The following PARVB variants were observed in gnomAD, a reference collection of about 807,000 sequenced individuals.
The protein encoded by PARVB is beta-parvin.
Under a neutral mutation model 47.0 loss-of-function variants are expected in PARVB, and 46 were observed. That is an observed-to-expected ratio of 0.98 (90% CI 0.77 to 1.25). PARVB has a LOEUF of 1.25. PARVB is among the 50% of genes most tolerant of loss of function. The pLI is 0.00. For missense variants in PARVB, 473 were observed against 471.6 expected (o/e 1.00, Z -0.03); for synonymous variants, 196 against 196.3 (o/e 1.00, Z 0.01).
intron 1 of PARVB, among the ~76,000 whole-genome samples, chr22:44,055,335 C>T (rs2051286149): frequency 6.6e-6 from 1 of 151,946 alleles, no homozygotes; most frequent in East Asian, 1.9e-4. Context: ...AGATATGTAG[C>T]TCTCTCTGTC....
In PARVB at chr22:44,136,527, A is replaced by AC; in HGVS notation, c.692+13dup. The AC allele has an allele frequency of 6.2e-7, 1 of 1,612,214 alleles. No individual in the cohort carries two copies. On this transcript the variant is annotated intron_variant, in intron 7 of 12. Coordinates refer to ENST00000338758, the MANE Select transcript of PARVB (RefSeq NM_013327.5). Reference sequence around the variant, plus strand: ...CTGACCACAACTACAGAGTAAGTGGACCCCTGTCTTGCCCTTCCAGGCCCT... The same window carrying AC: ...CTGACCACAACTACAGAGTAAGTGGACCCCCTGTCTTGCCCTTCCAGGCCCT...
rs1163501972 is a variant in PARVB at position 44,033,912 on chromosome 22, A to G, written c.112+9461A>G. 2.6e-5 allele frequency among the ~76,000 whole-genome samples: 4 copies of G among 152,140 alleles called. No individual in the cohort carries two copies. The East Asian group carries it at 5.8e-4, about 22-fold the overall frequency. On this transcript the variant is annotated intron_variant, in intron 1 of 12. Transcript: ENST00000338758. ...CTGCCCTTGTTGTTTTCTGCTTCTC[A>G]AGTTACTCCAGACTCCAGGGAACTA... is the stretch of plus-strand genomic sequence containing the variant.
chr22:44,016,910 T>G (rs1435741346), intron 2 of PARVB, among the ~76,000 whole-genome samples: 1 of 152,156 alleles, frequency 6.6e-6, no homozygotes, highest in African/African-American at 2.4e-5. Context: ...AGTTTCACTC[T>G]TGTTGCCCAG....
chr22:44,140,848 T>C (rs1345784960), intron 8 of PARVB: 2 of 245,602 alleles, frequency 8.1e-6, no homozygotes, highest in African/African-American at 4.4e-5. Context: ...TCTTCCCTCA[T>C]GAAAGCCTGA....
intron 1 of PARVB, among the ~76,000 whole-genome samples, chr22:44,058,989 GA>G (rs915553856): frequency 2.0e-5 from 3 of 148,382 alleles, no homozygotes; most frequent in Non-Finnish European, 4.5e-5. Context: ...ATGGGGGGGG[GA>G]AACAGAAGCA....
chr22:44,028,229 G>A (rs999898963), intron 1 of PARVB, among the ~76,000 whole-genome samples: 2 of 152,132 alleles, frequency 1.3e-5, no homozygotes, highest in African/African-American at 4.8e-5. Context: ...CTGGAGCAGC[G>A]TCACTGACCC....
At chr22:44,116,947 G>A (rs1409037638) in intron 3 of PARVB, among the ~76,000 whole-genome samples, 1 of 152,142 alleles carries the variant, frequency 6.6e-6, no homozygotes, top group Non-Finnish European at 1.5e-5. Flanking sequence ...GGGGCAAGAG[G>A]GAGATGGGGA....
At chr22:44,021,471 T>C (rs1014712460), upstream of PARVB, among the ~76,000 whole-genome samples, 1 of 152,078 alleles carries the variant, frequency 6.6e-6, no homozygotes, top group African/African-American at 2.4e-5. Context: ...CTTCCAAAGA[T>C]CCAACATGAT....
At chr22:44,101,679 C>T (rs1357452174) in intron 3 of PARVB, among the ~76,000 whole-genome samples, 2 of 150,576 alleles carry the variant, frequency 1.3e-5, no homozygotes, top group African/African-American at 2.5e-5. Flanking sequence ...ACCTGAGAGG[C>T]AGATGTTGCG....
At chr22:44,102,063 C>T (rs950009257) in intron 3 of PARVB, among the ~76,000 whole-genome samples, 5 of 152,106 alleles carry the variant, frequency 3.3e-5, no homozygotes, top group Non-Finnish European at 7.3e-5. Context: ...GCTGAGAAGT[C>T]CCCCGACCTG....
intron 12 of PARVB, among the ~76,000 whole-genome samples, chr22:44,164,307 C>G (rs540516206): frequency 6.6e-6 from 1 of 152,302 alleles, no homozygotes; most frequent in Admixed American, 6.5e-5. Context: ...CCCTGATGCT[C>G]AGCCAAAGGC....
intron 3 of PARVB, chr22:44,106,523 G>A (rs2052572091): frequency 6.6e-6 from 1 of 152,138 alleles, no homozygotes; most frequent in African/African-American, 2.4e-5. Flanking sequence ...CAGATCAGGG[G>A]ACAGACAGAT....
At chr22:44,056,645 A>C (rs2146949843) in intron 1 of PARVB, among the ~76,000 whole-genome samples, 1 of 151,978 alleles carries the variant, frequency 6.6e-6, no homozygotes, top group South Asian at 2.1e-4. Context: ...AGCTGGGACG[A>C]CAGGCGTGCA....
chr22:44,002,951 A>G (rs1359877022), intron 2 of PARVB, among the ~76,000 whole-genome samples: 1 of 152,182 alleles, frequency 6.6e-6, no homozygotes. Context: ...AGCAACAAAC[A>G]TTCATGCAAA....
At chr22:44,062,906 ATTAG>A (rs1170496652) in intron 1 of PARVB, among the ~76,000 whole-genome samples, 1 of 152,036 alleles carries the variant, frequency 6.6e-6, no homozygotes, top group South Asian at 2.1e-4. Flanking sequence ...ATGTCTGGTT[ATTAG>A]TTCAATCTCC....
intron 1 of PARVB, among the ~76,000 whole-genome samples, chr22:44,085,091 A>G (rs1367155991): frequency 2.0e-5 from 3 of 152,140 alleles, no homozygotes; most frequent in Non-Finnish European, 4.4e-5. Flanking sequence ...ACGTACACAT[A>G]GAAATACATA....
At chr22:44,030,333 C>T (rs79291324) in intron 1 of PARVB, among the ~76,000 whole-genome samples, 18 of 152,336 alleles carry the variant, frequency 1.2e-4, no homozygotes, top group African/African-American at 4.1e-4. Flanking sequence ...GGAAGTGGTC[C>T]TGGCTGAATG....
intron 1 of PARVB, among the ~76,000 whole-genome samples, chr22:44,064,779 G>C (rs78082888): frequency 1.3e-5 from 2 of 152,184 alleles, no homozygotes; most frequent in Non-Finnish European, 2.9e-5. Flanking sequence ...ACTTGAGCCC[G>C]GGAGGTGGAG....
chr22:44,157,254 G>T (rs2053955286), intron 10 of PARVB, among the ~76,000 whole-genome samples: 1 of 152,138 alleles, frequency 6.6e-6, no homozygotes, highest in Admixed American at 6.5e-5. Context: ...CCTTCCAGCA[G>T]CTGATGCTGA....
Sources: allele counts gnomAD v4.1 joint callset (sites outside exome capture counted in the v4.1 genomes callset), GRCh38; gene constraint gnomAD v4.1.1; transcripts MANE v1.5; gene names NCBI Gene and HGNC (gene_info 2026-07-23, HGNC 2026-07-21).